Variants in RASA1 observed in about 807,000 individuals in gnomAD.
RASA1 encodes the protein RAS p21 protein activator 1.
RASA1 carries 25 observed loss-of-function variants against 132.2 expected under a neutral mutation model. The observed-to-expected ratio is 0.19, with a 90% CI of 0.14 to 0.26. The LOEUF (loss-of-function observed/expected upper bound fraction) is 0.26. Ranked by LOEUF, RASA1 falls within the 10% of genes least tolerant of loss-of-function variation. RASA1 has a pLI of 1.00. For synonymous variants in RASA1, 477 were observed against 449.9 expected, an observed-to-expected ratio of 1.06 and a Z score of -0.76; for missense variants, 964 against 1,299.2, an observed-to-expected ratio of 0.74 and a Z score of 3.97.
At chr5:87,363,258 T>TCTAAAAA in intron 10 of RASA1, 90 bp from the exon 11 acceptor site, 1 of 1,172,486 alleles carries the variant, frequency 8.5e-7, no homozygotes, top group Non-Finnish European at 1.2e-6. Flanking sequence ...AAAAATTGAT[T>TCTAAAAA]GATTCATATT....
chr5:87,272,263 A>G (rs973505939), intron 1 of RASA1, among the ~76,000 whole-genome samples: 2 of 152,218 alleles, frequency 1.3e-5, no homozygotes, highest in South Asian at 4.1e-4. Flanking sequence ...GACTATGTAT[A>G]TGAAACTTGT....
intron 1 of RASA1, among the ~76,000 whole-genome samples, chr5:87,282,019 G>A (rs540654791): frequency 6.6e-6 from 1 of 152,088 alleles, no homozygotes; most frequent in Non-Finnish European, 1.5e-5. Context: ...TGTTGATAGT[G>A]TCTTTTGATG....
At chr5:87,306,720 A>T (rs985297422) in intron 1 of RASA1, among the ~76,000 whole-genome samples, 1 of 152,032 alleles carries the variant, frequency 6.6e-6, no homozygotes, top group African/African-American at 2.4e-5. Context: ...GCTGGGGTAT[A>T]TAGAATGCTT....
intron 1 of RASA1, among the ~76,000 whole-genome samples, chr5:87,321,133 A>G (rs1756767722): frequency 1.3e-5 from 2 of 152,196 alleles, no homozygotes; most frequent in Non-Finnish European, 2.9e-5. Flanking sequence ...GAATGAAGGA[A>G]TGGAAAACGA....
chr5:87,304,645 T>G (rs1432214498), intron 1 of RASA1, among the ~76,000 whole-genome samples: 1 of 152,032 alleles, frequency 6.6e-6, no homozygotes, highest in East Asian at 1.9e-4. Context: ...TTTTTGTGTT[T>G]TTAGTAGAGA....
chr5:87,391,279 CTTA>C lies in RASA1; in HGVS notation c.*399_*401del, dbSNP rs555952882. ...GAAATCAACTGACAAGAAACACATT[CTTA>C]TTGACAATTGTGTATAACTGGATTG... is the stretch of plus-strand genomic sequence containing the variant. On this transcript the variant is annotated 3_prime_UTR_variant, in exon 25 of 25. Coordinates refer to ENST00000274376, the MANE Select transcript of RASA1 (RefSeq NM_002890.3). 68 of 378,556 alleles carry C rather than the reference CTTA, an allele frequency of 1.8e-4. No individual in the cohort carries two copies. The South Asian group carries it at 2.3e-3, about 13-fold the overall frequency. 23.4% of individuals were successfully genotyped at this position (378,556 alleles called of 1,614,324 possible).
chr5:87,280,113 C>T (rs1186538146), intron 1 of RASA1, among the ~76,000 whole-genome samples: 1 of 152,218 alleles, frequency 6.6e-6, no homozygotes, highest in Non-Finnish European at 1.5e-5. Context: ...TTTGTTCTGG[C>T]AGCCGACTGC....
At chr5:87,324,715 C>G (rs11745338) in intron 1 of RASA1, among the ~76,000 whole-genome samples, 65,088 of 151,834 alleles carry the variant, frequency 0.43, 13,919 homozygotes, top group East Asian at 0.51. Flanking sequence ...CCCAAGAATA[C>G]CTAATATAAA....
intron 24 of RASA1, among the ~76,000 whole-genome samples, chr5:87,390,074 T>C (rs2112527569): frequency 6.6e-6 from 1 of 152,296 alleles, no homozygotes; most frequent in South Asian, 2.1e-4. Context: ...GTAGACTACA[T>C]TGATAGACTT....
intron 1 of RASA1, among the ~76,000 whole-genome samples, chr5:87,308,103 A>G (rs1224828155): frequency 6.6e-6 from 1 of 151,858 alleles, no homozygotes; most frequent in Non-Finnish European, 1.5e-5. Context: ...CTTTTTTATG[A>G]CCAGAATCCT....
intron 1 of RASA1, 177 bp downstream of exon 1, chr5:87,269,167 T>TA: frequency 6.2e-7 from 1 of 1,611,664 alleles, no homozygotes; most frequent in African/African-American, 1.3e-5. Context: ...ACAGGCATAC[T>TA]ACCTGGCGTC....
intron 24 of RASA1, among the ~76,000 whole-genome samples, chr5:87,389,729 G>A: frequency 6.6e-6 from 1 of 152,172 alleles, no homozygotes; most frequent in Non-Finnish European, 1.5e-5. Context: ...AAAACATCAG[G>A]TTTTGCTCTT....
In RASA1 at chr5:87,372,200, A is replaced by C. The variant is rs1294232515; in HGVS notation, c.1776+5A>C. 2 of 1,612,314 alleles carry C rather than the reference A, an allele frequency of 1.2e-6. No homozygotes were observed. The highest frequency in any genetic ancestry group is 1.1e-5 in the South Asian group (1 of 91,036). ...TCCAATAAACGCCTTCGTCAGGTGA[A>C]GCTTAATTTTCTTGGATTTTTAATT... On this transcript the variant is annotated splice_donor_5th_base_variant and intron_variant, in intron 13 of 24. Transcript: ENST00000274376.
chr5:87,277,045 C>T (rs187902941), intron 1 of RASA1, among the ~76,000 whole-genome samples: 160 of 152,098 alleles, frequency 1.1e-3, no homozygotes, highest in Middle Eastern at 6.8e-3. Context: ...AGCAAAGGCT[C>T]AGTATTTGCT....
intron 1 of RASA1, among the ~76,000 whole-genome samples, chr5:87,303,167 C>G (rs1755452037): frequency 6.6e-6 from 1 of 152,144 alleles, no homozygotes; most frequent in South Asian, 2.1e-4. Context: ...AATAGCACGA[C>G]TAATTGTTCT....
rs1429723141 is a variant in RASA1 at position 87,333,254 on chromosome 5, T to G, written c.829-13T>G. On this transcript the variant is annotated splice_polypyrimidine_tract_variant and intron_variant, in intron 3 of 24. Coordinates refer to ENST00000274376, the MANE Select transcript of RASA1 (RefSeq NM_002890.3). ...ACTATCTTTTTAAATCTTTTTTTTT[T>G]TATGGTTTCTAGCCAGTAGAAGATA... 1.2e-6 allele frequency: 2 copies of G among 1,611,092 alleles called. No individual in the cohort carries two copies. The highest frequency in any genetic ancestry group is 4.5e-5 in the East Asian group (2 of 44,738).
intron 9 of RASA1, among the ~76,000 whole-genome samples, 168 bp from the exon 10 acceptor site, chr5:87,362,383 G>A (rs1760172364): frequency 6.6e-6 from 1 of 152,138 alleles, no homozygotes; most frequent in African/African-American, 2.4e-5. Flanking sequence ...GAAATTATAA[G>A]GAAGCATTTC....
At chr5:87,383,570 G>A in intron 20 of RASA1, 143 bp from the exon 21 acceptor site, 1 of 583,818 alleles carries the variant, frequency 1.7e-6, no homozygotes, top group African/African-American at 1.9e-5. Context: ...AGCTTTCTGT[G>A]TCTGGGCTTT....
intron 1 of RASA1, among the ~76,000 whole-genome samples, chr5:87,323,096 G>C (rs1208927317): frequency 6.6e-6 from 1 of 152,178 alleles, no homozygotes; most frequent in African/African-American, 2.4e-5. Flanking sequence ...AATTTGAGCT[G>C]ATGGATAACT....
Sources: gnomAD v4.1 joint callset for allele counts (sites outside exome capture counted in the v4.1 genomes callset) on GRCh38, gnomAD v4.1.1 for gene constraint, MANE v1.5 for transcripts, NCBI Gene and HGNC (gene_info 2026-07-23, HGNC 2026-07-21) for gene names.